Variants in MAPKAP1 observed in about 807,000 individuals in gnomAD.
The protein encoded by MAPKAP1 is MAPK associated protein 1, also known as target of rapamycin complex 2 subunit MAPKAP1.
MAPKAP1 carries 20 observed loss-of-function variants against 65.7 expected under a neutral mutation model. That is an observed-to-expected ratio of 0.30 (90% CI 0.21 to 0.44). The LOEUF is 0.44. Among genes scored for constraint, MAPKAP1 ranks in the 20% least tolerant of loss-of-function variants. The pLI, the probability that MAPKAP1 is intolerant of heterozygous loss-of-function variation, is 1.00. For synonymous variants in MAPKAP1, 222 were observed against 244.3 expected (o/e 0.91, Z 0.85); for missense variants, 423 against 648.0 (o/e 0.65, Z 3.77).
intron 4 of MAPKAP1, among the ~76,000 whole-genome samples, chr9:125,597,810 A>G (rs969315070): frequency 6.6e-6 from 1 of 152,232 alleles, no homozygotes; most frequent in Non-Finnish European, 1.5e-5. Flanking sequence ...CCATTCTCTG[A>G]AAAGAATGGC....
intron 4 of MAPKAP1, among the ~76,000 whole-genome samples, chr9:125,591,074 G>A (rs1211102712): frequency 1.3e-5 from 2 of 152,092 alleles, no homozygotes; most frequent in Admixed American, 6.5e-5. Context: ...GCGACCTGGC[G>A]TAACCTTTAT....
At chr9:125,612,864 G>A (rs1011689512) in intron 4 of MAPKAP1, among the ~76,000 whole-genome samples, 14 of 152,210 alleles carry the variant, frequency 9.2e-5, no homozygotes, top group Admixed American at 7.9e-4. Context: ...GTTACACAAT[G>A]GAGGCAGGAA....
chr9:125,491,595 G>A (rs896855649), intron 8 of MAPKAP1, among the ~76,000 whole-genome samples: 8 of 151,772 alleles, frequency 5.3e-5, no homozygotes, highest in Non-Finnish European at 1.0e-4. Flanking sequence ...TGGGCAACAT[G>A]GCAAAACCCC....
chr9:125,509,786 ACAT>A (rs747917226), intron 7 of MAPKAP1, among the ~76,000 whole-genome samples: 56 of 152,262 alleles, frequency 3.7e-4, no homozygotes, highest in Non-Finnish European at 6.0e-4. Context: ...TCTCCTTTGC[ACAT>A]TTTTTCCTAC....
At chr9:125,690,488 T>C (rs1428085748) in intron 1 of MAPKAP1, among the ~76,000 whole-genome samples, 2 of 152,224 alleles carry the variant, frequency 1.3e-5, no homozygotes, top group Admixed American at 6.5e-5. Context: ...TGGTGGGACC[T>C]TGAGAAAGTA....
intron 8 of MAPKAP1, among the ~76,000 whole-genome samples, chr9:125,485,191 C>T (rs1854460269): frequency 6.6e-6 from 1 of 152,198 alleles, no homozygotes; most frequent in Middle Eastern, 3.2e-3. Context: ...TAGCTGTCTA[C>T]TGACAGAGCC....
intron 4 of MAPKAP1, among the ~76,000 whole-genome samples, chr9:125,612,924 C>T (rs918953963): frequency 6.6e-6 from 1 of 152,130 alleles, no homozygotes; most frequent in Non-Finnish European, 1.5e-5. Context: ...TACTTTTACC[C>T]AATTTTAGTG....
intron 5 of MAPKAP1, among the ~76,000 whole-genome samples, chr9:125,580,737 TTG>T (rs377739757): frequency 4.6e-5 from 7 of 151,192 alleles, no homozygotes; most frequent in Admixed American, 6.6e-5. Context: ...TTACATGTAC[TTG>T]TGTGTGTGTG....
intron 1 of MAPKAP1, among the ~76,000 whole-genome samples, chr9:125,691,441 A>G (rs911515370): frequency 1.3e-5 from 2 of 152,156 alleles, no homozygotes; most frequent in South Asian, 2.1e-4. Context: ...TTTCAGACAC[A>G]ATGAGCGGGC....
Position 125,595,501 on chromosome 9 carries a change from A to T in MAPKAP1, c.499-9774T>A. 9.3e-7 allele frequency: 1 copy of T among 1,078,640 alleles called. No individual in the cohort carries two copies. Among genetic ancestry groups the T allele is most frequent in the Non-Finnish European group, 1.1e-6 (1 of 884,544 alleles). The allele number at this position is 1,078,640 out of a possible 1,614,324, so 66.8% of individuals were successfully genotyped here. On this transcript the variant is annotated intron_variant, in intron 4 of 11. Transcript: ENST00000265960. This position sits in a 1 kb window ranked among gnomAD's most constrained non-coding sequence, Gnocchi z 4.0. The stretch of plus-strand genomic sequence containing the variant: ...TGCTTATCATAAAATTAATTTCAAA[A>T]TCATATACCTGATAGTTTCCAAAGT...
intron 6 of MAPKAP1, among the ~76,000 whole-genome samples, chr9:125,547,150 G>C (rs1830449711): frequency 6.6e-6 from 1 of 152,162 alleles, no homozygotes; most frequent in Admixed American, 6.5e-5. Flanking sequence ...CCAGCGCACA[G>C]CCACTCAGTT....
chr9:125,516,060 T>C (rs550971515), intron 7 of MAPKAP1, among the ~76,000 whole-genome samples: 94 of 152,332 alleles, frequency 6.2e-4, no homozygotes, highest in African/African-American at 2.2e-3. Context: ...AAGGTTCAAA[T>C]GATCAATTTC....
chr9:125,613,434 G>C (rs1258847606), intron 4 of MAPKAP1, among the ~76,000 whole-genome samples: 1 of 152,202 alleles, frequency 6.6e-6, no homozygotes, highest in Non-Finnish European at 1.5e-5. Flanking sequence ...AGAATCCAAT[G>C]ATAGGTTAGA....
rs1192964922 is a variant in MAPKAP1 at position 125,521,423 on chromosome 9, A to C, written c.959-15006T>G. On this transcript the variant is annotated intron_variant, in intron 7 of 11. Coordinates refer to ENST00000265960, the MANE Select transcript of MAPKAP1 (RefSeq NM_001006617.3). ...ACTTGAGTCACTGTGACAATACCAA[A>C]TTTTACATACAGTTATCTGTTGCTC... 12 of 1,070,038 alleles carry C rather than the reference A, an allele frequency of 1.1e-5. No homozygotes were observed. The Admixed American group carries it at 6.1e-4, about 54-fold the overall frequency. The allele number at this position is 1,070,038 out of a possible 1,614,324, so 66.3% of individuals were successfully genotyped here. A position where few individuals can be genotyped will look rare whatever the true frequency, so the allele number is the denominator to read the frequency against.
chr9:125,701,325 C>T (rs2131881405), intron 1 of MAPKAP1, among the ~76,000 whole-genome samples: 1 of 152,266 alleles, frequency 6.6e-6, no homozygotes, highest in East Asian at 1.9e-4. Flanking sequence ...AAAGTATACT[C>T]AAGTATAGGA....
rs554898720 is a variant in MAPKAP1, at chr9:125,438,947, T to C, written c.1509A>G (p.Arg503=). 3.1e-5 allele frequency: 50 copies of C among 1,614,124 alleles called. No homozygotes were observed. Among genetic ancestry groups the C allele is most frequent in the Non-Finnish European group, 3.4e-5 (40 of 1,180,044 alleles). Residue 503 remains arginine, a synonymous_variant, in exon 12 of 12, where the codon AGA becomes AGG. Coordinates refer to ENST00000265960, the MANE Select transcript of MAPKAP1 (RefSeq NM_001006617.3). The part of the protein sequence containing the change: ...ARADYFAQKQ[R]KLNRRTSFSF... ...TGAAGCTCGTACGTCTGTTCAGTTT[T>C]CTTTGTTTTTGAGCAAAGTAGTCAG...
rs148365682 is a variant in MAPKAP1 at position 125,451,961 on chromosome 9, C to T, written c.1346-7363G>A. Among the ~76,000 whole-genome samples, 908 of 152,226 alleles carry T rather than the reference C, an allele frequency of 6.0e-3. 10 individuals carry two copies. Among genetic ancestry groups the T allele is most frequent in the African/African-American group, 0.02 (845 of 41,534 alleles). On this transcript the variant is annotated intron_variant, in intron 10 of 11. Coordinates refer to ENST00000265960, the MANE Select transcript of MAPKAP1 (RefSeq NM_001006617.3). ...AGTAGCTGGGATTACAGGCGCCTGC[C>T]ACCACGCCAGGCTAATTTTTGTATT...
intron 3 of MAPKAP1, among the ~76,000 whole-genome samples, chr9:125,662,725 ATTATT>A (rs1030222481): frequency 6.6e-6 from 1 of 151,968 alleles, no homozygotes; most frequent in Non-Finnish European, 1.5e-5. Context: ...TTATAAAGAA[ATTATT>A]TTAAATGTTT....
chr9:125,577,841 C>G (rs571757345), intron 5 of MAPKAP1, among the ~76,000 whole-genome samples: 2 of 150,876 alleles, frequency 1.3e-5, no homozygotes, highest in Non-Finnish European at 3.0e-5. Flanking sequence ...CCAACCGCCC[C>G]GTCCGGGAGC....
Sources: gnomAD v4.1 joint callset for allele counts (sites outside exome capture counted in the v4.1 genomes callset) on GRCh38, gnomAD v4.1.1 for gene constraint, Gnocchi (gnomAD v3.1) non-coding constraint, MANE v1.5 for transcripts, NCBI Gene and HGNC (gene_info 2026-07-23, HGNC 2026-07-21) for gene names.